SUCLG2: variants seen among roughly 807,000 people sequenced by gnomAD.
The protein encoded by SUCLG2 is succinate-CoA ligase GDP-forming subunit beta.
SUCLG2 carries 42 observed loss-of-function variants against 47.9 expected under a neutral mutation model. That is an observed-to-expected ratio of 0.88 (90% confidence interval 0.69 to 1.14). The LOEUF is 1.14. SUCLG2 is among the 50% of genes most tolerant of loss of function. The pLI, the probability that SUCLG2 is intolerant of heterozygous loss-of-function variation, is 0.00. For missense variants in SUCLG2, 571 were observed against 525.9 expected, an observed-to-expected ratio of 1.09 and a Z score of -0.84; for synonymous variants, 195 against 197.3, an observed-to-expected ratio of 0.99 and a Z score of 0.10.
At chr3:67,509,337 C>T (rs1473995415) in intron 6 of SUCLG2, among the ~76,000 whole-genome samples, 1 of 152,160 alleles carries the variant, frequency 6.6e-6, no homozygotes, top group African/African-American at 2.4e-5. Flanking sequence ...ATCAATCCAA[C>T]CCATAATCTG....
intron 2 of SUCLG2, among the ~76,000 whole-genome samples, chr3:67,534,768 C>CAAAAAAAAAAAAAAAAAAAAAAAAAAA (rs60612549): frequency 2.9e-5 from 1 of 34,932 alleles, no homozygotes; most frequent in African/African-American, 8.9e-5. Context: ...ACACTGATGG[C>CAAAAAAAAAAAAAAAAAAAAAAAAAAA]AAAAAAAAAA....
chr3:67,529,014 G>A, intron 3 of SUCLG2, 73 bp downstream of exon 3: 2 of 1,323,088 alleles, frequency 1.5e-6, no homozygotes, highest in South Asian at 2.7e-5. Flanking sequence ...ACCTCAGTGT[G>A]CCTTTCAATC....
At chr3:67,391,154 C>T (rs1036798787) in intron 10 of SUCLG2, among the ~76,000 whole-genome samples, 1 of 152,150 alleles carries the variant, frequency 6.6e-6, no homozygotes, top group East Asian at 1.9e-4. Flanking sequence ...AATTATCCCA[C>T]CCCCTTCATT....
At chr3:67,566,142 G>A (rs1374674523) in intron 2 of SUCLG2, among the ~76,000 whole-genome samples, 1 of 152,188 alleles carries the variant, frequency 6.6e-6, no homozygotes, top group Non-Finnish European at 1.5e-5. Context: ...GCATCAGGCA[G>A]CTGATGAGCC....
intron 9 of SUCLG2, among the ~76,000 whole-genome samples, chr3:67,473,972 A>G (rs1704669336): frequency 1.3e-5 from 2 of 152,116 alleles, no homozygotes; most frequent in South Asian, 4.1e-4. Flanking sequence ...AGAATACACT[A>G]ACAGGTCAGG....
chr3:67,393,889 G>A (rs967382395), intron 10 of SUCLG2, among the ~76,000 whole-genome samples: 5 of 152,248 alleles, frequency 3.3e-5, no homozygotes, highest in East Asian at 1.9e-4. Context: ...TGCAGCCACC[G>A]CCACTGATAC....
intron 2 of SUCLG2, among the ~76,000 whole-genome samples, chr3:67,582,443 G>A (rs1559581962): frequency 6.6e-6 from 1 of 152,158 alleles, no homozygotes; most frequent in Non-Finnish European, 1.5e-5. Context: ...CAAGAGACAT[G>A]TTCTTGCTCT....
intron 9 of SUCLG2, among the ~76,000 whole-genome samples, chr3:67,449,515 T>A (rs1363970401): frequency 6.6e-6 from 1 of 150,726 alleles, no homozygotes; most frequent in East Asian, 1.9e-4. Flanking sequence ...ATCCTCCTTT[T>A]CCTATAGCAG....
intron 2 of SUCLG2, among the ~76,000 whole-genome samples, chr3:67,559,944 G>C (rs1165129682): frequency 6.6e-6 from 1 of 151,760 alleles, no homozygotes; most frequent in African/African-American, 2.4e-5. Flanking sequence ...GGGGGATGTT[G>C]GTATTGGGGG....
chr3:67,653,020 C>G (rs1401195066), intron 1 of SUCLG2, among the ~76,000 whole-genome samples: 1 of 152,174 alleles, frequency 6.6e-6, no homozygotes, highest in Admixed American at 6.5e-5. Context: ...CTTGACAAAC[C>G]AAGAGTATCT....
intron 1 of SUCLG2, among the ~76,000 whole-genome samples, chr3:67,626,505 G>C (rs372715338): frequency 3.3e-5 from 5 of 152,076 alleles, no homozygotes; most frequent in African/African-American, 1.2e-4. Flanking sequence ...GGATGGTCTA[G>C]GGCACAAGAG....
At chr3:67,614,237 C>A (rs1472505098) in intron 1 of SUCLG2, among the ~76,000 whole-genome samples, 2 of 152,120 alleles carry the variant, frequency 1.3e-5, no homozygotes, top group Non-Finnish European at 2.9e-5. Context: ...CCCTCAGGAC[C>A]ATTCCACAGG....
chr3:67,585,026 T>C (rs544069138), intron 2 of SUCLG2, among the ~76,000 whole-genome samples: 82 of 152,316 alleles, frequency 5.4e-4, no homozygotes, highest in African/African-American at 1.9e-3. Context: ...ATTTTGTCCA[T>C]TGAAGGATAT....
rs983089675 is a variant in SUCLG2 at position 67,620,302 on chromosome 3, G to A, written c.85-10706C>T. On this transcript the variant is annotated intron_variant, in intron 1 of 10. Transcript: ENST00000307227. ...GGGAAAAGAAAGACACACATGATGAGGCCGGGTGCAGTGGCTCACACCCGT... is the reference window on the plus strand; with the variant it reads ...GGGAAAAGAAAGACACACATGATGAAGCCGGGTGCAGTGGCTCACACCCGT... 3.6e-5 allele frequency among the ~76,000 whole-genome samples: 5 copies of A among 139,912 alleles called. No individual in the cohort carries two copies. In the South Asian group the frequency reaches 6.5e-4, roughly 18 times the overall value. The allele number at this position is 139,912 out of a possible 152,430, so 91.8% of individuals were successfully genotyped here.
At chr3:67,561,996 C>T (rs1707319993) in intron 2 of SUCLG2, among the ~76,000 whole-genome samples, 1 of 152,152 alleles carries the variant, frequency 6.6e-6, no homozygotes, top group South Asian at 2.1e-4. Flanking sequence ...CCTTTGGTTT[C>T]CAGCAAGGTT....
At chr3:67,626,020 T>TATATATATATATATATA (rs557460830) in intron 1 of SUCLG2, among the ~76,000 whole-genome samples, 1 of 138,180 alleles carries the variant, frequency 7.2e-6, no homozygotes, top group African/African-American at 2.6e-5. Context: ...ATATATATAT[T>TATATATATATATATATA]TACATTTTTT....
At chr3:67,588,559 A>T (rs915784910) in intron 2 of SUCLG2, among the ~76,000 whole-genome samples, 1 of 152,212 alleles carries the variant, frequency 6.6e-6, no homozygotes, top group African/African-American at 2.4e-5. Flanking sequence ...CATTACTTAC[A>T]TTACTATAAA....
chr3:67,492,900 G>A (rs940548572), intron 9 of SUCLG2, among the ~76,000 whole-genome samples: 2 of 152,190 alleles, frequency 1.3e-5, no homozygotes, highest in Non-Finnish European at 2.9e-5. Flanking sequence ...GGAAATATAT[G>A]TCAACCTGTA....
At chr3:67,408,412 C>T (rs1395467193) in intron 9 of SUCLG2, among the ~76,000 whole-genome samples, 1 of 152,170 alleles carries the variant, frequency 6.6e-6, no homozygotes, top group Non-Finnish European at 1.5e-5. Context: ...TCTTATACAA[C>T]ACCCTTAATA....
Sources: gnomAD v4.1 joint callset for allele counts (sites outside exome capture counted in the v4.1 genomes callset) on GRCh38, gnomAD v4.1.1 for gene constraint, MANE v1.5 for transcripts, NCBI Gene and HGNC (gene_info 2026-07-23, HGNC 2026-07-21) for gene names.